Variants in DNAH10 observed in about 807,000 individuals in gnomAD.
DNAH10 encodes the protein axonemal beta dynein heavy chain 10.
DNAH10 carries 348 observed loss-of-function variants against 506.6 expected under a neutral mutation model. That is an observed-to-expected ratio of 0.69 (90% CI 0.63 to 0.75). The LOEUF (loss-of-function observed/expected upper bound fraction) is 0.75, where lower values mean the gene tolerates loss of function less well. Among genes scored for constraint, DNAH10 ranks in the 30% least tolerant of loss-of-function variants. The pLI is 0.00. For missense variants in DNAH10, 5,179 were observed against 5,787.1 expected (o/e 0.89, Z 3.41); for synonymous variants, 2,059 against 2,198.6 (o/e 0.94, Z 1.78).
Position 123,787,846 on chromosome 12 carries a change from G to A in DNAH10, c.1464G>A (p.Arg488=). 1.2e-6 allele frequency: 2 copies of A among 1,614,098 alleles called. No homozygotes were observed. The highest frequency in any genetic ancestry group is 8.5e-7 in the Non-Finnish European group (1 of 1,180,004). The part of the protein sequence containing the change: ...ASAQSKTLEA[R]NTLRLWKKAY... ...CCCAAAGCAAAACCTTGGAAGCCAG[G>A]AACACCCTCAGGCTGTGGAAAAAGG... Residue 488 remains arginine, a synonymous_variant, in exon 10 of 79, where the codon AGG becomes AGA. Coordinates refer to ENST00000673944, the MANE Select transcript of DNAH10 (RefSeq NM_001372106.1). This position sits in a 1 kb window ranked among gnomAD's most constrained non-coding sequence, Gnocchi z 4.6.
intron 6 of DNAH10, 33 bp from the exon 7 acceptor site, chr12:123,783,074 C>T (rs764395949): frequency 1.1e-5 from 17 of 1,607,782 alleles, no homozygotes; most frequent in East Asian, 8.9e-5. Flanking sequence ...TTTTCCTGAA[C>T]GAATGACTGA....
chr12:123,769,757 G>A (rs902140382), intron 2 of DNAH10, among the ~76,000 whole-genome samples: 5 of 151,488 alleles, frequency 3.3e-5, no homozygotes, highest in African/African-American at 1.2e-4. Flanking sequence ...ATTCATAAGT[G>A]TATTTTCCTT....
At chr12:123,765,053 G>A (rs1040584306) in intron 1 of DNAH10, among the ~76,000 whole-genome samples, 3 of 152,028 alleles carry the variant, frequency 2.0e-5, no homozygotes, top group African/African-American at 4.8e-5. Flanking sequence ...CCTGCAGAGA[G>A]CCCAGCGTGT....
rs1951877822 is a variant in DNAH10, at chr12:123,867,953, A to G, written c.7353A>G (p.Glu2451=). 10 of 1,613,814 alleles carry G rather than the reference A, an allele frequency of 6.2e-6. No individual in the cohort carries two copies. The highest frequency in any genetic ancestry group is 8.5e-6 in the Non-Finnish European group (10 of 1,179,868). Residue 2451 remains glutamate (E), a synonymous_variant, in exon 43 of 79, where the codon GAA becomes GAG. Transcript: ENST00000673944. ...ATGCGTTGCTAGAAGGAGAAATAGA[A>G]GACCTTGACCTGCTGGAGTGCTACT... ...MLDALLEGEI[E]DLDLLECYFL...
At chr12:123,862,931 A>T (rs1951667309) in intron 39 of DNAH10, among the ~76,000 whole-genome samples, 2 of 152,192 alleles carry the variant, frequency 1.3e-5, no homozygotes, top group Non-Finnish European at 2.9e-5. Context: ...GAGAGAGAAT[A>T]AGAGAGAGTG....
chr12:123,829,869 G>A (rs1347242701), intron 25 of DNAH10, among the ~76,000 whole-genome samples: 2 of 152,178 alleles, frequency 1.3e-5, no homozygotes, highest in East Asian at 3.8e-4. Flanking sequence ...CAGGCCAAAT[G>A]CAAAACCTTA....
chr12:123,893,506 C>A, intron 53 of DNAH10, 70 bp downstream of exon 53: 1 of 1,566,582 alleles, frequency 6.4e-7, no homozygotes, highest in Non-Finnish European at 8.7e-7. Flanking sequence ...GGTCTGTCCA[C>A]ACCTCTCCAG....
At chr12:123,849,688 G>C (rs546598261) in intron 34 of DNAH10, among the ~76,000 whole-genome samples, 2 of 152,298 alleles carry the variant, frequency 1.3e-5, no homozygotes, top group South Asian at 4.1e-4. Flanking sequence ...GAGTGGAATT[G>C]TCCCTTCTTC....
At chr12:123,847,531 C>T (rs540760896) in intron 32 of DNAH10, among the ~76,000 whole-genome samples, 14 of 152,170 alleles carry the variant, frequency 9.2e-5, no homozygotes, top group Middle Eastern at 3.4e-3. Context: ...CCTGAGAACC[C>T]GAAGTGCCAA....
At chr12:123,860,945 G>T in intron 38 of DNAH10, 67 bp from the exon 39 acceptor site, 1 of 1,607,170 alleles carries the variant, frequency 6.2e-7, no homozygotes, top group Non-Finnish European at 8.5e-7. Flanking sequence ...CTCATAGAGG[G>T]AACCCAGACT....
rs775103447 is a variant in DNAH10 at position 123,796,819 on chromosome 12, A to G, written c.2150A>G (p.Asp717Gly). The G allele has an allele frequency of 1.9e-6, 3 of 1,609,370 alleles. No individual in the cohort carries two copies. Among genetic ancestry groups the G allele is most frequent in the Admixed American group, 1.7e-5 (1 of 59,006 alleles). The change falls in exon 13 of 79, where the codon GAT (aspartate) becomes GGT (glycine). Residue 717 changes from aspartate (D) to glycine (G), a missense_variant. Around this residue, in one of 3 missense-constraint regions of DNAH10, gnomAD observed 4,844 missense variants for 5,430.5 expected, o/e 0.89. Transcript: ENST00000673944. ...FQEVQEILDS[D>G]RGQEVKQKYL... is the part of the protein sequence containing the mutation. ...GAGGTACAAGAGATACTGGACAGTG[A>G]TCGAGGACAGGAGGTATGTTGCTCT...
At chr12:123,836,748 G>A (rs1232959882) in intron 28 of DNAH10, among the ~76,000 whole-genome samples, 2 of 152,030 alleles carry the variant, frequency 1.3e-5, no homozygotes, top group Non-Finnish European at 2.9e-5. Context: ...CAGGCTGGAC[G>A]GTGACTCACG....
At chr12:123,812,242 G>GAGA (rs1315107747) in intron 19 of DNAH10, among the ~76,000 whole-genome samples, 1 of 152,060 alleles carries the variant, frequency 6.6e-6, no homozygotes, top group African/African-American at 2.4e-5. Flanking sequence ...ACGAGGTCAG[G>GAGA]AGATCGAGGC....
At chr12:123,793,030 T>A (rs1266196383) in intron 11 of DNAH10, among the ~76,000 whole-genome samples, 1 of 152,216 alleles carries the variant, frequency 6.6e-6, no homozygotes, top group Non-Finnish European at 1.5e-5. Context: ...TTGAAGTTTT[T>A]AAAATTGATT....
intron 1 of DNAH10, among the ~76,000 whole-genome samples, chr12:123,765,170 G>A (rs1417300398): frequency 1.3e-5 from 2 of 151,914 alleles, no homozygotes; most frequent in Non-Finnish European, 2.9e-5. Flanking sequence ...TACTGGGGCA[G>A]GTGGTGGTAA....
chr12:123,900,553 A>G (rs1203496345), intron 56 of DNAH10, among the ~76,000 whole-genome samples: 2 of 152,086 alleles, frequency 1.3e-5, no homozygotes, highest in South Asian at 2.1e-4. Context: ...TTCTTTCCCC[A>G]TTGCCATCAT....
At position 123,801,571 on chromosome 12, in the gene DNAH10, G is replaced by A. The variant is rs149431536; in HGVS notation, c.2614+139G>A. The stretch of plus-strand genomic sequence containing the variant: ...TTGAGGGTTAAGAAATACAAGTTGC[G>A]GAACTTAGAACTGATCTCCAGGCTG... On this transcript the variant is annotated intron_variant, in intron 16 of 78. Transcript: ENST00000673944. The A allele has an allele frequency of 1.4e-3, 1,592 of 1,102,674 alleles. 32 individuals carry two copies. The African/African-American group carries it at 0.021, about 15-fold the overall frequency. 68.3% of individuals were successfully genotyped at this position (1,102,674 alleles called of 1,614,324 possible).
At chr12:123,899,209 C>G (rs574311435) in intron 56 of DNAH10, among the ~76,000 whole-genome samples, 7 of 152,228 alleles carry the variant, frequency 4.6e-5, no homozygotes, top group African/African-American at 1.4e-4. Flanking sequence ...TTTCAAGGTT[C>G]TTTCTTGGGC....
chr12:123,929,094 C>T (rs1030403257), intron 70 of DNAH10, 181 bp from the exon 71 acceptor site: 7 of 643,796 alleles, frequency 1.1e-5, no homozygotes, highest in Non-Finnish European at 1.6e-5. Flanking sequence ...ACCCTGAGAG[C>T]CAGAACATCT....
Sources: allele counts gnomAD v4.1 joint callset (sites outside exome capture counted in the v4.1 genomes callset), GRCh38; gene constraint gnomAD v4.1.1; regional missense constraint gnomAD v4.1.1; non-coding constraint Gnocchi (gnomAD v3.1); transcripts MANE v1.5; gene names NCBI Gene and HGNC (gene_info 2026-07-23, HGNC 2026-07-21).